UGT2B17: variants seen among roughly 807,000 people sequenced by gnomAD.
UGT2B17 encodes the protein UDP glucuronosyltransferase family 2 member B17, also known as UDP-glucuronosyltransferase 2B17.
A neutral mutation model predicts 48.2 loss-of-function variants in UGT2B17; 21 were observed. That is an observed-to-expected ratio of 0.44 (90% CI 0.31 to 0.63). The LOEUF (loss-of-function observed/expected upper bound fraction) is 0.63. Ranked by LOEUF, UGT2B17 falls within the 20% of genes least tolerant of loss-of-function variation. The pLI is 0.08. For missense variants in UGT2B17, 402 were observed against 696.1 expected, an observed-to-expected ratio of 0.58 and a Z score of 4.75; for synonymous variants, 146 against 238.4, an observed-to-expected ratio of 0.61 and a Z score of 3.57.
Position 68,568,912 on chromosome 4 carries a change from A to G in UGT2B17, c.-64-364T>C, listed in dbSNP as rs1320459820. The stretch of plus-strand genomic sequence containing the variant: ...TGTGTACAGTTCAATGTTTCCTAGT[A>G]TATTCACAGAATTTTACTTTCACTA... On this transcript the variant is annotated intron_variant, in intron 1 of 6. Coordinates refer to ENST00000317746, the MANE Select transcript of UGT2B17 (RefSeq NM_001077.4). Among the ~76,000 whole-genome samples, 4 of 139,094 alleles carry G rather than the reference A, an allele frequency of 2.9e-5. 1 individual carries two copies. Among genetic ancestry groups the G allele is most frequent in the Non-Finnish European group, 4.7e-5 (3 of 63,758 alleles). 91.3% of individuals were successfully genotyped at this position (139,094 alleles called of 152,430 possible).
In UGT2B17 at chr4:68,548,376, GA is replaced by G. The variant is rs1730857736; in HGVS notation, c.1313+2300del. ...CACTCATAGGTGGGAATTGAACAATGAGAACACGAGGACACAGGAAGGGGAA... is the reference window on the plus strand; with the variant it reads ...CACTCATAGGTGGGAATTGAACAATGGAACACGAGGACACAGGAAGGGGAA... On this transcript the variant is annotated intron_variant, in intron 6 of 6. Coordinates refer to ENST00000317746, the MANE Select transcript of UGT2B17 (RefSeq NM_001077.4). 1.6e-5 allele frequency among the ~76,000 whole-genome samples: 2 copies of G among 124,700 alleles called. 1 individual carries two copies. The highest frequency in any genetic ancestry group is 7.6e-4 in the South Asian group (2 of 2,622). 81.8% of individuals were successfully genotyped at this position (124,700 alleles called of 152,430 possible). A position where few individuals can be genotyped will look rare whatever the true frequency, so the allele number is the denominator to read the frequency against.
In UGT2B17 at chr4:68,550,892, A is replaced by T. The variant is rs759857885; in HGVS notation, c.1098T>A (p.His366Gln). 2.2e-6 allele frequency: 3 copies of T among 1,368,330 alleles called. No homozygotes were observed. The highest frequency in any genetic ancestry group is 2.1e-5 in the Admixed American group (1 of 48,434). The allele number at this position is 1,368,330 out of a possible 1,614,324, so 84.8% of individuals were successfully genotyped here. The change falls in exon 6 of 7, where the codon CAT becomes CAA. Residue 366 changes from histidine (H) to glutamine (Q), a missense_variant. Transcript: ENST00000317746. ...GAGTTATAAAAGCTTTGGTTTTGGG[A>T]TGACCTAAAAGTGGATGCATTTTAA... ...KWLPQNDLLG[H>Q]PKTKAFITHG...
At chr4:68,544,829 A>C (rs1730762016) in intron 6 of UGT2B17, among the ~76,000 whole-genome samples, 2 of 126,112 alleles carry the variant, frequency 1.6e-5, no homozygotes, top group Admixed American at 8.1e-5. Flanking sequence ...AAACCAGCAA[A>C]GATCAAAAGA....
At position 68,537,697 on chromosome 4, in the gene UGT2B17, A is replaced by G. The variant is rs1208835344; in HGVS notation, c.1521T>C (p.Phe507=). The G allele has an allele frequency of 5.1e-6, 7 of 1,378,490 alleles. 1 individual carries two copies. The highest frequency in any genetic ancestry group is 2.0e-5 in the Admixed American group (1 of 50,400). 85.4% of individuals were successfully genotyped at this position (1,378,490 alleles called of 1,614,324 possible). A position where few individuals can be genotyped will look rare whatever the true frequency, so the allele number is the denominator to read the frequency against. ...AAAACAGGCAACATTTTGTGATCATAAATATCATAGTTGCCACGCAGGCCA... is the reference window on the plus strand; with the variant it reads ...AAAACAGGCAACATTTTGTGATCATGAATATCATAGTTGCCACGCAGGCCA... ...FLLACVATMI[F]MITKCCLFCF... is the part of the protein sequence containing the mutation. The change falls in exon 7 of 7, where the codon TTT becomes TTC. Residue 507 remains phenylalanine (F), a synonymous_variant. Coordinates refer to ENST00000317746, the MANE Select transcript of UGT2B17 (RefSeq NM_001077.4).
intron 6 of UGT2B17, among the ~76,000 whole-genome samples, chr4:68,547,471 T>C (rs1319524347): frequency 8.0e-6 from 1 of 124,582 alleles, no homozygotes; most frequent in Non-Finnish European, 1.7e-5. Context: ...CCATAAAAAC[T>C]CTAGAAGAAA....
At chr4:68,543,011 G>C (rs904739086) in intron 6 of UGT2B17, among the ~76,000 whole-genome samples, 4 of 126,430 alleles carry the variant, frequency 3.2e-5, no homozygotes, top group African/African-American at 1.1e-4. Flanking sequence ...TCCACCTCTG[G>C]GGGCAGGGCA....
At chr4:68,555,077 A>C (rs375221666) in intron 4 of UGT2B17, among the ~76,000 whole-genome samples, 6 of 126,616 alleles carry the variant, frequency 4.7e-5, no homozygotes, top group Admixed American at 8.1e-5. Context: ...TATGTAACTT[A>C]AATAAAATCT....
Position 68,563,111 on chromosome 4 carries a change from G to A in UGT2B17, c.874-2443C>T, listed in dbSNP as rs1200167358. 3.2e-5 allele frequency among the ~76,000 whole-genome samples: 4 copies of A among 126,364 alleles called. 1 individual carries two copies. Among genetic ancestry groups the A allele is most frequent in the East Asian group, 1.5e-3 (2 of 1,344 alleles). 82.9% of individuals were successfully genotyped at this position (126,364 alleles called of 152,430 possible). ...AGTTTCATGTGAATATATTACAAAG[G>A]CAATAACTATATGCAGTTTTCAAAC... On this transcript the variant is annotated intron_variant, in intron 3 of 6. Coordinates refer to ENST00000317746, the MANE Select transcript of UGT2B17 (RefSeq NM_001077.4).
In UGT2B17 at chr4:68,567,742, A is replaced by C; in HGVS notation, c.724+19T>G. ...GGAAAATTAGAACTTAATAAACACC[A>C]ATTGGACACACGACTTACCTAGAAC... On this transcript the variant is annotated intron_variant, in intron 2 of 6. Transcript: ENST00000317746. The C allele has an allele frequency of 7.7e-7, 1 of 1,293,132 alleles. No individual in the cohort carries two copies. Among genetic ancestry groups the C allele is most frequent in the Non-Finnish European group, 9.9e-7 (1 of 1,013,426 alleles). 80.1% of individuals were successfully genotyped at this position (1,293,132 alleles called of 1,614,324 possible).
At chr4:68,553,662 T>A (rs1325573017) in intron 4 of UGT2B17, among the ~76,000 whole-genome samples, 1 of 125,634 alleles carries the variant, frequency 8.0e-6, no homozygotes, top group African/African-American at 2.7e-5. Flanking sequence ...AAGTAGAGGG[T>A]GGCTGAGTAC....
At chr4:68,539,213 A>T (rs1320237419) in intron 6 of UGT2B17, among the ~76,000 whole-genome samples, 1 of 126,380 alleles carries the variant, frequency 7.9e-6, no homozygotes, top group African/African-American at 2.7e-5. Context: ...CAAACTGCAT[A>T]GAAGAACTCT....
chr4:68,558,858 C>A (rs1731052319), intron 4 of UGT2B17, among the ~76,000 whole-genome samples: 1 of 125,892 alleles, frequency 7.9e-6, no homozygotes, highest in African/African-American at 2.7e-5. Context: ...GAGATAAATG[C>A]ATATCTGATT....
chr4:68,543,034 AG>A lies in UGT2B17; in HGVS notation c.1314-5131del, dbSNP rs1191096653. Among the ~76,000 whole-genome samples the A allele has an allele frequency of 5.5e-5, 7 of 126,486 alleles. 1 individual carries two copies. The highest frequency in any genetic ancestry group is 1.9e-4 in the African/African-American group (7 of 36,976). The allele number at this position is 126,486 out of a possible 152,430, so 83.0% of individuals were successfully genotyped here. On this transcript the variant is annotated intron_variant, in intron 6 of 6. Coordinates refer to ENST00000317746, the MANE Select transcript of UGT2B17 (RefSeq NM_001077.4). Reference sequence around the variant, plus strand: ...TGGGGGCAGGGCATAACCAAACAAAAGGCAGCAGAAACCTCTGCAGTCTTAA... The same window carrying A: ...TGGGGGCAGGGCATAACCAAACAAAAGCAGCAGAAACCTCTGCAGTCTTAA...
chr4:68,572,213 A>T (rs907577668), intron 1 of UGT2B17, among the ~76,000 whole-genome samples: 3 of 126,364 alleles, frequency 2.4e-5, no homozygotes, highest in African/African-American at 5.4e-5. Context: ...ATCCTGTTTC[A>T]TGCTGCTTAC....
chr4:68,546,092 G>A (rs1730798759), intron 6 of UGT2B17, among the ~76,000 whole-genome samples: 1 of 125,654 alleles, frequency 8.0e-6, no homozygotes, highest in African/African-American at 2.7e-5. Context: ...ACATCATCCT[G>A]ATACCAAAGC....
At position 68,567,918 on chromosome 4, in the gene UGT2B17, C is replaced by T. The variant is rs1578172875; in HGVS notation, c.567G>A (p.Leu189=). 1 of 1,379,852 alleles carries T rather than the reference C, an allele frequency of 7.2e-7. No individual in the cohort carries two copies. The highest frequency in any genetic ancestry group is 9.5e-7 in the Non-Finnish European group (1 of 1,054,792). The allele number at this position is 1,379,852 out of a possible 1,614,324, so 85.5% of individuals were successfully genotyped here. The change falls in exon 2 of 7, where the codon CTG becomes CTA. Residue 189 remains leucine, a synonymous_variant. Transcript: ENST00000317746. ...YTVEKNGGGF[L]FPPSYVPVVM... Reference sequence around the variant, plus strand: ...CAACAGGTACATAGGAAGGAGGGAACAGAAATCCTCCACCATTCTTCTCAA... The same window carrying T: ...CAACAGGTACATAGGAAGGAGGGAATAGAAATCCTCCACCATTCTTCTCAA...
chr4:68,541,881 G>A lies in UGT2B17; in HGVS notation c.1314-3977C>T, dbSNP rs1248413593. On this transcript the variant is annotated intron_variant, in intron 6 of 6. Transcript: ENST00000317746. Reference sequence around the variant, plus strand: ...TGCATATGGCCAGCCAGTTTCCCCAGCACCATTTATTAAATAGGGAATCCT... The same window carrying A: ...TGCATATGGCCAGCCAGTTTCCCCAACACCATTTATTAAATAGGGAATCCT... Among the ~76,000 whole-genome samples the A allele has an allele frequency of 5.5e-5, 7 of 126,632 alleles. 1 individual carries two copies. The highest frequency in any genetic ancestry group is 1.9e-4 in the African/African-American group (7 of 37,134). 83.1% of individuals were successfully genotyped at this position (126,632 alleles called of 152,430 possible). A position where few individuals can be genotyped will look rare whatever the true frequency, so the allele number is the denominator to read the frequency against.
chr4:68,567,837 T>G lies in UGT2B17; in HGVS notation c.648A>C (p.Ile216=). Residue 216 remains isoleucine (I), a synonymous_variant, in exon 2 of 7, where the codon ATA becomes ATC. Coordinates refer to ENST00000317746, the MANE Select transcript of UGT2B17 (RefSeq NM_001077.4). ...MIFMERIKNM[I]YMLYFDFWFQ... is the part of the protein sequence containing the mutation. Reference sequence around the variant, plus strand: ...ACCAAAAGTCAAAATAAAGCATATATATCATATTTTTTATCCTCTCCATGA... The same window carrying G: ...ACCAAAAGTCAAAATAAAGCATATAGATCATATTTTTTATCCTCTCCATGA... 1.5e-6 allele frequency: 2 copies of G among 1,374,780 alleles called. No homozygotes were observed. The highest frequency in any genetic ancestry group is 9.5e-7 in the Non-Finnish European group (1 of 1,052,940). The allele number at this position is 1,374,780 out of a possible 1,614,324, so 85.2% of individuals were successfully genotyped here. A position where few individuals can be genotyped will look rare whatever the true frequency, so the allele number is the denominator to read the frequency against.
At chr4:68,563,022 A>G (rs1437705553) in intron 3 of UGT2B17, among the ~76,000 whole-genome samples, 2 of 126,884 alleles carry the variant, frequency 1.6e-5, no homozygotes, top group African/African-American at 5.4e-5. Context: ...AATTATTTCC[A>G]GAGTTTTTTA....
Sources: gnomAD v4.1 joint callset for allele counts (sites outside exome capture counted in the v4.1 genomes callset) on GRCh38, gnomAD v4.1.1 for gene constraint, MANE v1.5 for transcripts, NCBI Gene and HGNC (gene_info 2026-07-23, HGNC 2026-07-21) for gene names.